Variants in GSAP observed in about 807,000 individuals in gnomAD.
GSAP encodes gamma-secretase activating protein.
Under a neutral mutation model 131.7 loss-of-function variants are expected in GSAP, and 118 were observed. The observed-to-expected ratio is 0.90, with a 90% CI of 0.77 to 1.04. GSAP has a LOEUF of 1.04. GSAP is among the 50% of genes least tolerant of loss of function. GSAP has a pLI of 0.00. For missense variants in GSAP, 1,019 were observed against 1,013.2 expected, an observed-to-expected ratio of 1.01 and a Z score of -0.08; for synonymous variants, 381 against 363.4, an observed-to-expected ratio of 1.05 and a Z score of -0.55.
intron 17 of GSAP, 25 bp downstream of exon 17, chr7:77,353,547 A>C (rs758152229): frequency 6.5e-7 from 1 of 1,534,266 alleles, no homozygotes; most frequent in East Asian, 2.3e-5. Flanking sequence ...TATTCAACTT[A>C]AGCTGCAACA....
chr7:77,362,151 T>C (rs1344380091), intron 13 of GSAP, among the ~76,000 whole-genome samples: 1 of 152,182 alleles, frequency 6.6e-6, no homozygotes, highest in African/African-American at 2.4e-5. Context: ...ATCCTGTAAG[T>C]ATACAGATAT....
At chr7:77,344,188 TAAC>T (rs1791451574) in intron 19 of GSAP, among the ~76,000 whole-genome samples, 1 of 152,156 alleles carries the variant, frequency 6.6e-6, no homozygotes, top group African/African-American at 2.4e-5. Flanking sequence ...TACAGTCCAA[TAAC>T]ACACAGGCCT....
At chr7:77,410,803 A>G (rs915917940) in intron 1 of GSAP, among the ~76,000 whole-genome samples, 1 of 152,344 alleles carries the variant, frequency 6.6e-6, no homozygotes, top group East Asian at 1.9e-4. Context: ...TTTAAGGAGA[A>G]AAACGTCATT....
chr7:77,340,227 C>T lies in GSAP; in HGVS notation c.1545+9124G>A, dbSNP rs529408481. 2.6e-5 allele frequency among the ~76,000 whole-genome samples: 4 copies of T among 152,330 alleles called. No homozygotes were observed. The South Asian group carries it at 8.3e-4, about 32-fold the overall frequency. ...TGACTGTAATTTTCCACTACCCACCCAAATCCTATGAAACAGTCCCACCCC... is the reference window on the plus strand; with the variant it reads ...TGACTGTAATTTTCCACTACCCACCTAAATCCTATGAAACAGTCCCACCCC... On this transcript the variant is annotated intron_variant, in intron 19 of 30. Coordinates refer to ENST00000257626, the MANE Select transcript of GSAP (RefSeq NM_017439.4).
chr7:77,311,876 A>G lies in GSAP; in HGVS notation c.2438T>C (p.Ile813Thr), dbSNP rs1169081134. The change falls in exon 30 of 31, where the codon ATT (isoleucine) becomes ACT (threonine). Residue 813 changes from isoleucine to threonine, a missense_variant. Transcript: ENST00000257626. Reference protein sequence around the residue: ...SVEFLPLNYFIEILTDIESSN... With the variant: ...SVEFLPLNYFTEILTDIESSN... ...GGACTCTATATCTGTCAGAATTTCA[A>G]TGAAGTAGTTCAGAGGCAGAAATTC... 1 of 1,592,194 alleles carries G rather than the reference A, an allele frequency of 6.3e-7. No individual in the cohort carries two copies. Among genetic ancestry groups the G allele is most frequent in the Non-Finnish European group, 8.6e-7 (1 of 1,160,068 alleles).
At chr7:77,349,775 C>T (rs918757144) in intron 18 of GSAP, among the ~76,000 whole-genome samples, 1 of 152,168 alleles carries the variant, frequency 6.6e-6, no homozygotes, top group African/African-American at 2.4e-5. Context: ...TATCAATACT[C>T]CTTCCTCTCT....
At chr7:77,369,959 A>T (rs1449642820) in intron 12 of GSAP, among the ~76,000 whole-genome samples, 1 of 152,012 alleles carries the variant, frequency 6.6e-6, no homozygotes. Flanking sequence ...CTACCCTTCC[A>T]CACACTGCCG....
At chr7:77,394,998 G>T (rs1176971458) in intron 5 of GSAP, among the ~76,000 whole-genome samples, 1 of 152,188 alleles carries the variant, frequency 6.6e-6, no homozygotes, top group Non-Finnish European at 1.5e-5. Flanking sequence ...GATGCAAGCA[G>T]ATCATCTCAC....
At chr7:77,326,578 G>T in intron 22 of GSAP, 1 of 231,332 alleles carries the variant, frequency 4.3e-6, no homozygotes, top group Non-Finnish European at 8.5e-6. Flanking sequence ...GAAACAGAGG[G>T]ACTTGGGCCT....
intron 19 of GSAP, among the ~76,000 whole-genome samples, chr7:77,347,491 G>A (rs1792085809): frequency 6.6e-6 from 1 of 152,102 alleles, no homozygotes; most frequent in African/African-American, 2.4e-5. Flanking sequence ...GGTAACAGAA[G>A]TGTTTTTCTG....
chr7:77,348,827 A>G (rs1402763491), intron 19 of GSAP, among the ~76,000 whole-genome samples: 1 of 152,236 alleles, frequency 6.6e-6, no homozygotes, highest in Non-Finnish European at 1.5e-5. Flanking sequence ...AAGACCACAT[A>G]GTGGGCCAAT....
intron 26 of GSAP, 123 bp from the exon 27 acceptor site, chr7:77,314,612 T>C (rs1490324882): frequency 3.8e-6 from 4 of 1,047,874 alleles, no homozygotes; most frequent in Non-Finnish European, 5.5e-6. Context: ...ACCAACTGAA[T>C]TTCTTGAAAA....
chr7:77,376,786 A>C (rs921251583), intron 10 of GSAP, 62 bp downstream of exon 10: 1 of 795,480 alleles, frequency 1.3e-6, no homozygotes, highest in African/African-American at 1.8e-5. Context: ...AAAAAAAAAA[A>C]AAAAAAAAAG....
At chr7:77,355,789 T>A in intron 14 of GSAP, 142 bp from the exon 15 acceptor site, 2 of 105,910 alleles carry the variant, frequency 1.9e-5, no homozygotes, top group Admixed American at 2.5e-4. Flanking sequence ...GACAGCCCGT[T>A]TTTTTTTTTT....
At position 77,362,597 on chromosome 7, in the gene GSAP, A is replaced by C; in HGVS notation, c.935T>G (p.Phe312Cys). ...ATGAAAAGTACCTTTATGAATGTAA[A>C]ACACTGAATATGTGATTTGTCCCCA... Reference protein sequence around the residue: ...ASWGQITYSVFYIHKGHSKTF... With the variant: ...ASWGQITYSVCYIHKGHSKTF... Residue 312 changes from phenylalanine (F) to cysteine (C), a missense_variant, in exon 13 of 31, where the codon TTT (phenylalanine) becomes TGT (cysteine). By Grantham distance (205) the Phe-to-Cys change is radical. Transcript: ENST00000257626. 1 of 1,555,326 alleles carries C rather than the reference A, an allele frequency of 6.4e-7. No individual in the cohort carries two copies.
At chr7:77,349,550 A>G (rs1046376176) in intron 18 of GSAP, 146 bp from the exon 19 acceptor site, 38 of 634,350 alleles carry the variant, frequency 6.0e-5, no homozygotes, top group African/African-American at 5.3e-4. Flanking sequence ...CTTGGAGGGC[A>G]TAAATAACAG....
chr7:77,311,807 G>T, intron 30 of GSAP, 34 bp downstream of exon 30: 2 of 1,008,980 alleles, frequency 2.0e-6, no homozygotes, highest in Non-Finnish European at 3.2e-6. Context: ...CAAGGGAAAA[G>T]TGGTAAGACC....
intron 19 of GSAP, among the ~76,000 whole-genome samples, chr7:77,342,611 C>A (rs549007267): frequency 1.3e-5 from 2 of 152,142 alleles, no homozygotes; most frequent in Admixed American, 6.5e-5. Flanking sequence ...TCTACTCCCC[C>A]CTTGGCGACC....
At chr7:77,406,356 G>C (rs1335747466) in intron 1 of GSAP, among the ~76,000 whole-genome samples, 1 of 152,008 alleles carries the variant, frequency 6.6e-6, no homozygotes, top group Non-Finnish European at 1.5e-5. Flanking sequence ...AAATGTTTTG[G>C]GTATACTGAT....
Sources: allele counts gnomAD v4.1 joint callset (sites outside exome capture counted in the v4.1 genomes callset), GRCh38; gene constraint gnomAD v4.1.1; transcripts MANE v1.5; gene names NCBI Gene and HGNC (gene_info 2026-07-23, HGNC 2026-07-21).